The following SHANK2 variants were observed in gnomAD, a reference collection of about 807,000 sequenced individuals.
SHANK2 encodes SH3 and multiple ankyrin repeat domains protein 2.
Under a neutral mutation model 133.7 loss-of-function variants are expected in SHANK2, and 43 were observed. The observed-to-expected ratio is 0.32, with a 90% CI of 0.25 to 0.41. SHANK2 has a LOEUF of 0.41. SHANK2 is among the 10% of genes least tolerant of loss of function. The pLI is 1.00. For missense variants in SHANK2, 1,994 were observed against 2,235.8 expected (o/e 0.89, Z 2.18); for synonymous variants, 1,017 against 952.8 (o/e 1.07, Z -1.24).
chr11:71,091,537 T>C (rs986427506), intron 8 of SHANK2, among the ~76,000 whole-genome samples: 47 of 152,216 alleles, frequency 3.1e-4, no homozygotes, highest in Admixed American at 2.1e-3. Flanking sequence ...TGACCTCCCC[T>C]TGCTGTTCCA....
At position 70,502,275 on chromosome 11, in the gene SHANK2, G is replaced by T; in HGVS notation, c.2209C>A (p.Pro737Thr). The change falls in exon 19 of 26, where the codon CCA becomes ACA. Residue 737 changes from proline to threonine, a missense_variant. Transcript: ENST00000601538. ...DTARKKAPPP[P>T]KRAPTTALTL... ...AGGGCTGTGGTCGGTGCCCGCTTTG[G>T]AGGCGGGGGAGCTGGAGGGCAGAGG... 6.4e-7 allele frequency: 1 copy of T among 1,555,778 alleles called. No individual in the cohort carries two copies. The highest frequency in any genetic ancestry group is 2.4e-5 in the East Asian group (1 of 42,080).
intron 1 of SHANK2, among the ~76,000 whole-genome samples, chr11:71,234,210 A>AG (rs1954793951): frequency 6.9e-6 from 1 of 144,422 alleles, no homozygotes; most frequent in Non-Finnish European, 1.5e-5. Flanking sequence ...AAAAAAAAAA[A>AG]TATCAGCTGG....
At chr11:71,236,048 T>C (rs1344858715) in intron 1 of SHANK2, among the ~76,000 whole-genome samples, 1 of 152,162 alleles carries the variant, frequency 6.6e-6, no homozygotes, top group Non-Finnish European at 1.5e-5. Flanking sequence ...CCGTTCTTCC[T>C]GCTCAGCCTC....
rs868963998 is a variant in SHANK2 at position 70,554,556 on chromosome 11, C to G, written c.2062-51625G>C. On this transcript the variant is annotated intron_variant, in intron 17 of 25. Coordinates refer to ENST00000601538, the MANE Select transcript of SHANK2 (RefSeq NM_012309.5). ...GTTCCCAGATTCCCTCTCCTCCCCC[C>G]TCCCCCAGGTTCCTCTGTTAGTAAC... is the stretch of plus-strand genomic sequence containing the variant. Among the ~76,000 whole-genome samples the G allele has an allele frequency of 1.4e-4, 21 of 152,318 alleles. No individual in the cohort carries two copies. In the Middle Eastern group the frequency reaches 0.01, roughly 74 times the overall value.
chr11:70,557,772 C>T (rs1227070515), intron 17 of SHANK2, among the ~76,000 whole-genome samples: 5 of 152,314 alleles, frequency 3.3e-5, no homozygotes, highest in African/African-American at 1.2e-4. Flanking sequence ...CCCGAGGAGG[C>T]TGGGCCTGCA....
chr11:71,170,258 C>T (rs1953285973), intron 2 of SHANK2, among the ~76,000 whole-genome samples: 1 of 152,046 alleles, frequency 6.6e-6, no homozygotes, highest in Non-Finnish European at 1.5e-5. Context: ...TAGAATATTA[C>T]TCTCAATGGA....
intron 14 of SHANK2, among the ~76,000 whole-genome samples, chr11:70,709,807 G>A (rs1173403638): frequency 1.3e-5 from 2 of 152,096 alleles, no homozygotes; most frequent in Non-Finnish European, 2.9e-5. Context: ...TCCATGTGAC[G>A]GCTGAGCACA....
At chr11:70,750,841 T>G (rs1565290989) in intron 14 of SHANK2, among the ~76,000 whole-genome samples, 1 of 152,218 alleles carries the variant, frequency 6.6e-6, no homozygotes, top group South Asian at 2.1e-4. Context: ...CATTTGACGT[T>G]GGAAACCATG....
intron 10 of SHANK2, among the ~76,000 whole-genome samples, chr11:70,902,824 A>G (rs1590814469): frequency 6.6e-6 from 1 of 152,054 alleles, no homozygotes; most frequent in Non-Finnish European, 1.5e-5. Flanking sequence ...GCAGATGGAC[A>G]CCCCGCCAGG....
chr11:70,663,868 G>A (rs1038894769), intron 15 of SHANK2, among the ~76,000 whole-genome samples: 9 of 152,174 alleles, frequency 5.9e-5, no homozygotes, highest in African/African-American at 2.2e-4. Context: ...CATGGTTATT[G>A]TGACCTTTAG....
Position 70,501,424 on chromosome 11 carries a change from C to G in SHANK2, c.2287+499G>C, listed in dbSNP as rs374051959. On this transcript the variant is annotated intron_variant, in intron 20 of 25. Transcript: ENST00000601538. The stretch of plus-strand genomic sequence containing the variant: ...ACCCCCCAGGCCAGCTGGACTGGAC[C>G]GTGGGCCTTGGGCGGGGGCTCGTTT... Among the ~76,000 whole-genome samples the G allele has an allele frequency of 3.3e-4, 50 of 152,360 alleles. No individual in the cohort carries two copies. The South Asian group carries it at 5.0e-3, about 15-fold the overall frequency.
At chr11:70,655,288 T>A (rs551260) in intron 17 of SHANK2, among the ~76,000 whole-genome samples, 1,530 of 152,202 alleles carry the variant, frequency 0.01, 24 homozygotes, top group African/African-American at 0.035. Context: ...TCTTTTTACC[T>A]TTTGCCCATT....
intron 3 of SHANK2, among the ~76,000 whole-genome samples, chr11:71,134,767 T>G (rs1374025343): frequency 2.0e-5 from 3 of 151,998 alleles, no homozygotes; most frequent in African/African-American, 7.3e-5. Context: ...TTAAACCCTC[T>G]CTCCAGGACA....
intron 10 of SHANK2, among the ~76,000 whole-genome samples, chr11:70,954,464 T>G (rs1555087334): frequency 6.6e-6 from 1 of 152,198 alleles, no homozygotes; most frequent in Non-Finnish European, 1.5e-5. Context: ...CTCATCCCCC[T>G]CTGGCTAAAT....
intron 11 of SHANK2, among the ~76,000 whole-genome samples, chr11:70,842,986 C>T (rs1948932202): frequency 6.6e-6 from 1 of 152,130 alleles, no homozygotes; most frequent in African/African-American, 2.4e-5. Context: ...ACCCCTAACA[C>T]AGGTGTGGCT....
intron 14 of SHANK2, among the ~76,000 whole-genome samples, chr11:70,769,739 TA>T (rs1947206567): frequency 4.1e-5 from 3 of 73,390 alleles, no homozygotes; most frequent in African/African-American, 1.3e-4. Context: ...TGGGCATGTG[TA>T]GGCATGTGTG....
chr11:70,877,350 C>T (rs548299681), intron 11 of SHANK2, among the ~76,000 whole-genome samples: 2 of 152,340 alleles, frequency 1.3e-5, no homozygotes, highest in South Asian at 4.1e-4. Context: ...GCTTCCTGGG[C>T]CGGATTTCTA....
intron 11 of SHANK2, among the ~76,000 whole-genome samples, chr11:70,842,150 T>C (rs1474904513): frequency 1.3e-5 from 2 of 152,228 alleles, no homozygotes; most frequent in Non-Finnish European, 2.9e-5. Flanking sequence ...ATCTGAAAAC[T>C]CACCAAGCAT....
At chr11:70,531,167 A>C (rs1262044461) in intron 17 of SHANK2, among the ~76,000 whole-genome samples, 1 of 151,536 alleles carries the variant, frequency 6.6e-6, no homozygotes, top group Admixed American at 6.6e-5. Context: ...AAAAAAAAAA[A>C]AAAAAAAAAA....
Sources: gnomAD v4.1 joint callset for allele counts (sites outside exome capture counted in the v4.1 genomes callset) on GRCh38, gnomAD v4.1.1 for gene constraint, MANE v1.5 for transcripts, NCBI Gene and HGNC (gene_info 2026-07-23, HGNC 2026-07-21) for gene names.